The following SEPHS1 variants were observed in gnomAD, a reference collection of about 807,000 sequenced individuals.
SEPHS1 encodes selenophosphate synthetase 1.
A neutral mutation model predicts 39.2 loss-of-function variants in SEPHS1; 7 were observed. The observed-to-expected ratio is 0.18, with a 90% CI of 0.10 to 0.34. The LOEUF is 0.34. SEPHS1 is among the 10% of genes least tolerant of loss of function. SEPHS1 has a pLI of 1.00. For missense variants in SEPHS1, 253 were observed against 514.5 expected, an observed-to-expected ratio of 0.49 and a Z score of 4.92; for synonymous variants, 190 against 195.5, an observed-to-expected ratio of 0.97 and a Z score of 0.23.
intron 7 of SEPHS1, 69 bp downstream of exon 7, chr10:13,328,282 G>C (rs975399990): frequency 2.8e-6 from 3 of 1,084,706 alleles, no homozygotes; most frequent in East Asian, 2.4e-5. Flanking sequence ...ACAGTATGTG[G>C]CCAGAAAAGC....
intron 7 of SEPHS1, among the ~76,000 whole-genome samples, chr10:13,327,240 C>CAAAAA (rs34788028): frequency 4.8e-5 from 4 of 82,784 alleles, no homozygotes; most frequent in Non-Finnish European, 6.6e-5. Flanking sequence ...GATTCTGTCT[C>CAAAAA]AAAAAAAAAA....
intron 7 of SEPHS1, among the ~76,000 whole-genome samples, chr10:13,327,505 C>T (rs548007643): frequency 5.3e-5 from 8 of 152,176 alleles, no homozygotes; most frequent in Non-Finnish European, 7.4e-5. Context: ...TACTATTTTC[C>T]ATTTTCTAAA....
At chr10:13,323,164 T>C (rs1833165571) in intron 7 of SEPHS1, 117 bp from the exon 8 acceptor site, 1 of 813,154 alleles carries the variant, frequency 1.2e-6, no homozygotes, top group Non-Finnish European at 2.0e-6. Flanking sequence ...ATCGGAATAA[T>C]GAAAACGCAA....
intron 2 of SEPHS1, among the ~76,000 whole-genome samples, chr10:13,343,265 T>C (rs1471636159): frequency 6.6e-6 from 1 of 152,178 alleles, no homozygotes. Context: ...TTCTCATTTC[T>C]CGACAAATAA....
intron 8 of SEPHS1, among the ~76,000 whole-genome samples, chr10:13,321,776 A>G (rs78945258): frequency 0.035 from 5,313 of 152,330 alleles, 135 homozygotes; most frequent in East Asian, 0.081. Flanking sequence ...GCGAGCCTGT[A>G]GGCTGTGGGT....
At chr10:13,334,645 G>A (rs543942638) in intron 4 of SEPHS1, among the ~76,000 whole-genome samples, 7 of 152,238 alleles carry the variant, frequency 4.6e-5, no homozygotes, top group Non-Finnish European at 1.5e-5. Flanking sequence ...GGGAGGCTGA[G>A]GCTGCTGCAG....
Position 13,344,895 on chromosome 10 carries a change from C to T in SEPHS1, c.56G>A (p.Arg19Gln), listed in dbSNP as rs1451535181. 3.1e-6 allele frequency: 5 copies of T among 1,603,782 alleles called. No homozygotes were observed. Among genetic ancestry groups the T allele is most frequent in the Non-Finnish European group, 4.3e-6 (5 of 1,174,916 alleles). ...CTTCAGTTCAGTGAATCTGGTTAGC[C>T]GGAAGCTTTTGTCCAATTCGTAACT... ...PESYELDKSF[R>Q]LTRFTELKGT... The change falls in exon 2 of 9, where the codon CGG (arginine) becomes CAG (glutamine). Residue 19 changes from arginine to glutamine, a missense_variant. This residue lies in a region of SEPHS1 where 123 missense variants were observed against 196.8 expected (regional missense o/e 0.62). Coordinates refer to ENST00000327347, the MANE Select transcript of SEPHS1 (RefSeq NM_012247.5).
chr10:13,323,418 G>A (rs750671239), intron 7 of SEPHS1, among the ~76,000 whole-genome samples: 4 of 152,030 alleles, frequency 2.6e-5, no homozygotes, highest in Non-Finnish European at 5.9e-5. Flanking sequence ...GCAGTCGTAC[G>A]ATCTCGGCTC....
At chr10:13,339,724 C>T (rs1379442705) in intron 2 of SEPHS1, among the ~76,000 whole-genome samples, 3 of 152,186 alleles carry the variant, frequency 2.0e-5, no homozygotes, top group Admixed American at 6.5e-5. Flanking sequence ...AACCTACACA[C>T]ATCTTCTCAC....
intron 8 of SEPHS1, among the ~76,000 whole-genome samples, chr10:13,319,591 G>T (rs1306705695): frequency 6.6e-6 from 1 of 152,134 alleles, no homozygotes; most frequent in Admixed American, 6.5e-5. Flanking sequence ...TGGCTCAGGT[G>T]ACCCTCCCAC....
intron 2 of SEPHS1, among the ~76,000 whole-genome samples, chr10:13,340,147 C>G (rs1391041634): frequency 6.6e-6 from 1 of 152,112 alleles, no homozygotes; most frequent in African/African-American, 2.4e-5. Flanking sequence ...CACTCGGTCT[C>G]ATGACAGCAG....
At chr10:13,323,740 T>C (rs1833179553) in intron 7 of SEPHS1, among the ~76,000 whole-genome samples, 1 of 151,188 alleles carries the variant, frequency 6.6e-6, no homozygotes, top group African/African-American at 2.4e-5. Flanking sequence ...TTTAAATTTC[T>C]TTCTTTTTTT....
intron 2 of SEPHS1, among the ~76,000 whole-genome samples, chr10:13,344,031 T>C (rs1588550521): frequency 6.6e-6 from 1 of 152,044 alleles, no homozygotes; most frequent in Non-Finnish European, 1.5e-5. Flanking sequence ...ATCAGGAATG[T>C]AGTAAAGAAA....
At chr10:13,334,717 A>G (rs1833574967) in intron 4 of SEPHS1, among the ~76,000 whole-genome samples, 1 of 152,252 alleles carries the variant, frequency 6.6e-6, no homozygotes, top group South Asian at 2.1e-4. Flanking sequence ...TGTCTCAAAA[A>G]CAAACAAAAA....
At chr10:13,320,408 C>G (rs1033220741) in intron 8 of SEPHS1, among the ~76,000 whole-genome samples, 2 of 151,772 alleles carry the variant, frequency 1.3e-5, no homozygotes, top group Non-Finnish European at 2.9e-5. Flanking sequence ...GTCTCGATCT[C>G]CTGACCTCGT....
chr10:13,345,832 G>C (rs544124262), intron 1 of SEPHS1, among the ~76,000 whole-genome samples: 2 of 152,278 alleles, frequency 1.3e-5, no homozygotes, highest in South Asian at 2.1e-4. Flanking sequence ...AGCCGAGATC[G>C]AGCCACTGCA....
chr10:13,328,354 T>C lies in SEPHS1; in HGVS notation c.748A>G (p.Thr250Ala). 1 of 1,609,248 alleles carries C rather than the reference T, an allele frequency of 6.2e-7. No homozygotes were observed. The highest frequency in any genetic ancestry group is 1.1e-5 in the South Asian group (1 of 90,942). ...AMMNMARLNR[T>A]AAGLMHTFNA... ...GCGCCCTTCCCACCTGTCATACCTG[T>C]CCTGTTGAGCCTCGCCATGTTCATC... is the stretch of plus-strand genomic sequence containing the variant. The change falls in exon 7 of 9, where the codon ACA becomes GCA. Residue 250 changes from threonine (T) to alanine (A), a missense_variant. Coordinates refer to ENST00000327347, the MANE Select transcript of SEPHS1 (RefSeq NM_012247.5).
intron 6 of SEPHS1, among the ~76,000 whole-genome samples, chr10:13,329,419 T>C (rs1254518725): frequency 6.6e-6 from 1 of 152,144 alleles, no homozygotes; most frequent in Non-Finnish European, 1.5e-5. Flanking sequence ...GACGAAGCTA[T>C]CTCAGGGCCA....
intron 2 of SEPHS1, among the ~76,000 whole-genome samples, chr10:13,342,296 T>A (rs948636096): frequency 5.1e-4 from 64 of 126,360 alleles, no homozygotes; most frequent in Non-Finnish European, 6.6e-5. Context: ...AAAATAAACA[T>A]ACAGCCGGGT....
Sources: gnomAD v4.1 joint callset for allele counts (sites outside exome capture counted in the v4.1 genomes callset) on GRCh38, gnomAD v4.1.1 for gene constraint, gnomAD v4.1.1 regional missense constraint, MANE v1.5 for transcripts, NCBI Gene and HGNC (gene_info 2026-07-23, HGNC 2026-07-21) for gene names.